DLG2: variants seen among roughly 807,000 people sequenced by gnomAD.
DLG2 encodes disks large homolog 2.
In DLG2, 45 loss-of-function variants were observed where a neutral mutation model predicts 132.5. The observed-to-expected ratio is 0.34, with a 90% confidence interval of 0.27 to 0.44. The LOEUF is 0.44. Ranked by LOEUF, DLG2 falls within the 20% of genes least tolerant of loss-of-function variation. The pLI, the probability that DLG2 is intolerant of heterozygous loss-of-function variation, is 1.00. For missense variants in DLG2, 1,045 were observed against 1,196.9 expected (o/e 0.87, Z 1.87); for synonymous variants, 424 against 419.6 (o/e 1.01, Z -0.13).
chr11:85,160,866 A>G (rs1273769889), intron 4 of DLG2, among the ~76,000 whole-genome samples: 1 of 152,118 alleles, frequency 6.6e-6, no homozygotes, highest in Non-Finnish European at 1.5e-5. Context: ...CAGCTGCAGC[A>G]CTACAACCCC....
At chr11:83,502,123 T>G (rs943972491) in intron 21 of DLG2, among the ~76,000 whole-genome samples, 2 of 152,222 alleles carry the variant, frequency 1.3e-5, no homozygotes, top group African/African-American at 4.8e-5. Context: ...GTGCTTTACA[T>G]GGATTAATCA....
At chr11:84,453,545 A>T (rs1317404281) in intron 7 of DLG2, among the ~76,000 whole-genome samples, 1 of 151,662 alleles carries the variant, frequency 6.6e-6, no homozygotes, top group Non-Finnish European at 1.5e-5. Flanking sequence ...CAAGTATTTC[A>T]GGTTTATATT....
At chr11:85,489,086 T>G (rs1469726846) in intron 3 of DLG2, among the ~76,000 whole-genome samples, 1 of 152,056 alleles carries the variant, frequency 6.6e-6, no homozygotes, top group Non-Finnish European at 1.5e-5. Context: ...GTATTAACCT[T>G]GAACATATAC....
chr11:85,009,064 T>C (rs1197527545), intron 6 of DLG2, among the ~76,000 whole-genome samples: 1 of 151,860 alleles, frequency 6.6e-6, no homozygotes, highest in Non-Finnish European at 1.5e-5. Context: ...AGAACTGAAA[T>C]ATAGAAATTA....
chr11:84,501,478 T>C (rs2099205020), intron 7 of DLG2, among the ~76,000 whole-genome samples: 1 of 152,040 alleles, frequency 6.6e-6, no homozygotes, highest in Non-Finnish European at 1.5e-5. Flanking sequence ...GGCAGGAAAA[T>C]TGCTTGAACC....
At chr11:85,525,748 T>A (rs1304149655) in intron 3 of DLG2, among the ~76,000 whole-genome samples, 2 of 152,176 alleles carry the variant, frequency 1.3e-5, no homozygotes, top group Non-Finnish European at 2.9e-5. Flanking sequence ...GAGAATATTT[T>A]CAGGCCACAG....
At chr11:83,686,721 C>T (rs1050729807) in intron 18 of DLG2, among the ~76,000 whole-genome samples, 5 of 152,134 alleles carry the variant, frequency 3.3e-5, no homozygotes, top group African/African-American at 1.2e-4. Flanking sequence ...AAACAAACAA[C>T]CCTCCCTTAT....
At chr11:84,647,670 A>G (rs747458797) in intron 6 of DLG2, among the ~76,000 whole-genome samples, 1 of 152,190 alleles carries the variant, frequency 6.6e-6, no homozygotes, top group Non-Finnish European at 1.5e-5. Flanking sequence ...TACTCATTAA[A>G]TGTTCGTAGA....
chr11:85,214,558 C>T (rs2082457110), intron 4 of DLG2, among the ~76,000 whole-genome samples: 1 of 152,068 alleles, frequency 6.6e-6, no homozygotes, highest in Non-Finnish European at 1.5e-5. Flanking sequence ...CACACTTTTC[C>T]CAGAGCCTAG....
intron 3 of DLG2, among the ~76,000 whole-genome samples, chr11:85,286,921 T>A (rs898760711): frequency 6.6e-6 from 1 of 151,772 alleles, no homozygotes; most frequent in African/African-American, 2.4e-5. Flanking sequence ...CCTGCTACAG[T>A]GGGGGAATAT....
At chr11:84,642,243 CA>C (rs2099668205) in intron 6 of DLG2, among the ~76,000 whole-genome samples, 1 of 151,332 alleles carries the variant, frequency 6.6e-6, no homozygotes, top group Admixed American at 6.6e-5. Flanking sequence ...CAATGACTTT[CA>C]AACTTAGAGT....
intron 6 of DLG2, among the ~76,000 whole-genome samples, chr11:85,019,934 G>A (rs1000832136): frequency 1.3e-5 from 2 of 152,178 alleles, no homozygotes; most frequent in Middle Eastern, 3.2e-3. Flanking sequence ...ACATACGTGT[G>A]CATGTGTCTT....
chr11:84,300,313 T>G (rs1183020466), intron 7 of DLG2, among the ~76,000 whole-genome samples: 3 of 152,170 alleles, frequency 2.0e-5, no homozygotes, highest in Non-Finnish European at 4.4e-5. Context: ...ATGAACTATT[T>G]TTTCATATGT....
chr11:84,706,139 C>T (rs1481475506), intron 6 of DLG2, among the ~76,000 whole-genome samples: 1 of 151,786 alleles, frequency 6.6e-6, no homozygotes, highest in African/African-American at 2.4e-5. Flanking sequence ...GATGGCTTCC[C>T]TCCTTGGATA....
At chr11:83,843,353 C>A (rs1198748850) in intron 16 of DLG2, among the ~76,000 whole-genome samples, 3 of 152,190 alleles carry the variant, frequency 2.0e-5, no homozygotes, top group Non-Finnish European at 4.4e-5. Context: ...GGTACAATCT[C>A]CTCTCTGCTG....
In DLG2 at chr11:83,945,020, TG is replaced by T. The variant is rs545554828; in HGVS notation, c.1341-14538del. Among the ~76,000 whole-genome samples the T allele has an allele frequency of 6.5e-3, 997 of 152,306 alleles. 2 individuals carry two copies. Among genetic ancestry groups the T allele is most frequent in the Non-Finnish European group, 0.01 (690 of 68,006 alleles). On this transcript the variant is annotated intron_variant, in intron 14 of 27. Coordinates refer to ENST00000376104, the MANE Select transcript of DLG2 (RefSeq NM_001142699.3). ...GTTGAATTCTAGATTATTACAAGAA[TG>T]GAGGGTCCCCAAATTTCTCAGTCAC...
At chr11:85,220,067 G>C (rs796359589) in intron 4 of DLG2, among the ~76,000 whole-genome samples, 2 of 152,104 alleles carry the variant, frequency 1.3e-5, no homozygotes, top group African/African-American at 4.8e-5. Context: ...TAACATACTA[G>C]TGGTATGGAT....
At chr11:83,500,160 T>C (rs568723162) in intron 21 of DLG2, among the ~76,000 whole-genome samples, 1 of 151,954 alleles carries the variant, frequency 6.6e-6, no homozygotes. Flanking sequence ...ATCTCTGTCA[T>C]TGAATTGTGA....
intron 3 of DLG2, among the ~76,000 whole-genome samples, chr11:85,466,821 A>C (rs902126613): frequency 6.6e-6 from 1 of 152,104 alleles, no homozygotes; most frequent in Non-Finnish European, 1.5e-5. Context: ...ATGAACTTTA[A>C]AGTAGTGTTT....
Sources: allele counts gnomAD v4.1 joint callset (sites outside exome capture counted in the v4.1 genomes callset), GRCh38; gene constraint gnomAD v4.1.1; transcripts MANE v1.5; gene names NCBI Gene and HGNC (gene_info 2026-07-23, HGNC 2026-07-21).